JAKMIP1: variants seen among roughly 807,000 people sequenced by gnomAD.
The protein encoded by JAKMIP1 is janus kinase and microtubule interacting protein 1, also known as janus kinase and microtubule-interacting protein 1.
Under a neutral mutation model 113.0 loss-of-function variants are expected in JAKMIP1, and 33 were observed. The observed-to-expected ratio is 0.29, with a 90% CI of 0.22 to 0.39. The LOEUF (loss-of-function observed/expected upper bound fraction) is 0.39. Ranked by LOEUF, JAKMIP1 falls within the 10% of genes least tolerant of loss-of-function variation. The probability of loss-of-function intolerance (pLI) is 1.00; values close to 1 mark genes in which losing one functional copy is unlikely to be tolerated. For missense variants in JAKMIP1, 813 were observed against 1,080.5 expected (o/e 0.75, Z 3.47); for synonymous variants, 480 against 459.9 (o/e 1.04, Z -0.56).
rs764963591 is a variant in JAKMIP1 at position 6,060,522 on chromosome 4, A to T, written c.1561-15T>A. 1.2e-6 allele frequency: 2 copies of T among 1,608,584 alleles called. No homozygotes were observed. The highest frequency in any genetic ancestry group is 8.5e-7 in the Non-Finnish European group (1 of 1,175,064). The stretch of plus-strand genomic sequence containing the variant: ...TGCTCCCGAGTCTGGAAGGGAAAAG[A>T]CCAGGCAGTGAGCAGGTCACCTCCA... On this transcript the variant is annotated splice_polypyrimidine_tract_variant and intron_variant, in intron 10 of 20. Transcript: ENST00000409021.
rs1281208874 is a variant in JAKMIP1, at chr4:6,108,253, A to G, written c.130-2286T>C. 6.6e-6 allele frequency among the ~76,000 whole-genome samples: 1 copy of G among 151,764 alleles called. No individual in the cohort carries two copies. Among genetic ancestry groups the G allele is most frequent in the Non-Finnish European group, 1.5e-5 (1 of 67,882 alleles). ...GAAGCAGCAGAGTGAGGCTGGGGTG[A>G]CCTCTGATGGGCACAGAGCACTCCC... On this transcript the variant is annotated intron_variant, in intron 2 of 20. Transcript: ENST00000409021. This position sits in a 1 kb window ranked among gnomAD's most constrained non-coding sequence, Gnocchi z 5.6.
chr4:6,182,221 G>T (rs1164683594), intron 1 of JAKMIP1, among the ~76,000 whole-genome samples: 1 of 151,722 alleles, frequency 6.6e-6, no homozygotes, highest in East Asian at 1.9e-4. Context: ...ACCAGCTTGG[G>T]CAACATAATG....
chr4:6,172,665 C>T (rs1161737150), intron 1 of JAKMIP1, among the ~76,000 whole-genome samples: 1 of 152,210 alleles, frequency 6.6e-6, no homozygotes, highest in Non-Finnish European at 1.5e-5. Flanking sequence ...GACCTTCTGT[C>T]CCCAGGTGCT....
intron 1 of JAKMIP1, among the ~76,000 whole-genome samples, chr4:6,165,919 C>T (rs1723572506): frequency 6.6e-6 from 1 of 152,142 alleles, no homozygotes; most frequent in Admixed American, 6.5e-5. Flanking sequence ...CCTCACTCCA[C>T]CCCAAGGCTC....
rs1482598565 is a variant in JAKMIP1, at chr4:6,187,213, G to T, written c.-148+13040C>A. 6.6e-6 allele frequency among the ~76,000 whole-genome samples: 1 copy of T among 152,138 alleles called. No individual in the cohort carries two copies. Among genetic ancestry groups the T allele is most frequent in the Non-Finnish European group, 1.5e-5 (1 of 68,022 alleles). On this transcript the variant is annotated intron_variant, in intron 1 of 20. Coordinates refer to ENST00000409021, the MANE Select transcript of JAKMIP1 (RefSeq NM_001099433.2). The surrounding 1 kb of genome is among the most constrained non-coding windows in gnomAD (Gnocchi z 4.2). ...TTTATAATTGTTATATATTTCTGAT[G>T]TATTGAACTTCTTGTCATTATAAAA...
chr4:6,150,694 G>A lies in JAKMIP1; in HGVS notation c.-147-37697C>T, dbSNP rs1268706764. On this transcript the variant is annotated intron_variant, in intron 1 of 20. Coordinates refer to ENST00000409021, the MANE Select transcript of JAKMIP1 (RefSeq NM_001099433.2). The surrounding 1 kb of genome is among the most constrained non-coding windows in gnomAD (Gnocchi z 4.8). ...GACTCCATCTGGGCCCCAGAAAACT[G>A]CCCTGATGCTACAGGTAGGAAGAAA... Among the ~76,000 whole-genome samples, 2 of 152,154 alleles carry A rather than the reference G, an allele frequency of 1.3e-5. No homozygotes were observed. The highest frequency in any genetic ancestry group is 4.8e-5 in the African/African-American group (2 of 41,428).
intron 2 of JAKMIP1, among the ~76,000 whole-genome samples, chr4:6,111,663 G>A (rs1007295125): frequency 1.3e-5 from 2 of 152,170 alleles, no homozygotes; most frequent in East Asian, 1.9e-4. Flanking sequence ...GTTTGAAACC[G>A]GGTCTGCCTA....
rs1177183662 is a variant in JAKMIP1 at position 6,076,217 on chromosome 4, C to T, written c.1302+2722G>A. ...ATAAATAAAAAATAAAATAAACAAA[C>T]AAACAAATAAATATAGACAAGTTCT... On this transcript the variant is annotated intron_variant, in intron 8 of 20. Coordinates refer to ENST00000409021, the MANE Select transcript of JAKMIP1 (RefSeq NM_001099433.2). This position sits in a 1 kb window ranked among gnomAD's most constrained non-coding sequence, Gnocchi z 4.8. Among the ~76,000 whole-genome samples, 1 of 151,988 alleles carries T rather than the reference C, an allele frequency of 6.6e-6. No homozygotes were observed. The highest frequency in any genetic ancestry group is 1.9e-4 in the East Asian group (1 of 5,188).
intron 1 of JAKMIP1, among the ~76,000 whole-genome samples, chr4:6,133,668 C>G (rs1718835096): frequency 1.3e-5 from 2 of 152,308 alleles, no homozygotes; most frequent in South Asian, 4.1e-4. Context: ...GCCCTGGGAC[C>G]ATGCTTCCCA....
At chr4:6,100,336 G>C (rs1409656315) in intron 3 of JAKMIP1, among the ~76,000 whole-genome samples, 1 of 152,162 alleles carries the variant, frequency 6.6e-6, no homozygotes, top group Non-Finnish European at 1.5e-5. Context: ...TACAATATGA[G>C]GTCTTTTGTG....
chr4:6,097,199 A>T lies in JAKMIP1; in HGVS notation c.624+8274T>A, dbSNP rs969300689. On this transcript the variant is annotated intron_variant, in intron 3 of 20. Transcript: ENST00000409021. This position sits in a 1 kb window ranked among gnomAD's most constrained non-coding sequence, Gnocchi z 4.3. ...AAATTTTTTGTAGAGGCAAGACCTC[A>T]CTGCCCAGGATGGTCTCAAACTCTC... is the stretch of plus-strand genomic sequence containing the variant. Among the ~76,000 whole-genome samples, 2 of 152,156 alleles carry T rather than the reference A, an allele frequency of 1.3e-5. No individual in the cohort carries two copies. Among genetic ancestry groups the T allele is most frequent in the East Asian group, 3.8e-4 (2 of 5,198 alleles).
At chr4:6,171,590 T>TC (rs76593324) in intron 1 of JAKMIP1, among the ~76,000 whole-genome samples, 2,060 of 151,706 alleles carry the variant, frequency 0.014, 49 homozygotes, top group African/African-American at 0.045. Context: ...ACCGTCTCGA[T>TC]CCCCCCCCAA....
chr4:6,058,544 C>A (rs1716800425), intron 11 of JAKMIP1, among the ~76,000 whole-genome samples: 1 of 152,224 alleles, frequency 6.6e-6, no homozygotes, highest in African/African-American at 2.4e-5. Context: ...TCTCTATTAC[C>A]TTTACCTATC....
At chr4:6,134,902 G>A (rs1578341950) in intron 1 of JAKMIP1, among the ~76,000 whole-genome samples, 1 of 152,066 alleles carries the variant, frequency 6.6e-6, no homozygotes, top group South Asian at 2.1e-4. Flanking sequence ...CCCAAAACAC[G>A]CAGTGTAGAT....
rs112950935 is a variant in JAKMIP1, at chr4:6,078,478, T to C, written c.1302+461A>G. On this transcript the variant is annotated intron_variant, in intron 8 of 20. Transcript: ENST00000409021. Reference sequence around the variant, plus strand: ...TTGGTCCCTGTGGGCATTTGAATTTTATAAGCCCAGCTCCTTCAGACACTG... The same window carrying C: ...TTGGTCCCTGTGGGCATTTGAATTTCATAAGCCCAGCTCCTTCAGACACTG... Among the ~76,000 whole-genome samples the C allele has an allele frequency of 2.2e-3, 330 of 151,944 alleles. 3 individuals are homozygous for C. Among genetic ancestry groups the C allele is most frequent in the Non-Finnish European group, 3.9e-3 (263 of 67,940 alleles).
chr4:6,074,707 G>C (rs140647791), intron 8 of JAKMIP1, among the ~76,000 whole-genome samples: 71 of 152,274 alleles, frequency 4.7e-4, no homozygotes, highest in Middle Eastern at 3.4e-3. Context: ...CAGTGCAGAT[G>C]CCCTGTAAAC....
In JAKMIP1 at chr4:6,042,887, G is replaced by T. The variant is rs1714513658; in HGVS notation, c.2029-660C>A. Among the ~76,000 whole-genome samples the T allele has an allele frequency of 1.3e-5, 2 of 152,180 alleles. No homozygotes were observed. Among genetic ancestry groups the T allele is most frequent in the East Asian group, 3.9e-4 (2 of 5,140 alleles). ...GGACATGAGGGCGCAGGCACGGAGA[G>T]TACGGGGTGAACAGGCGGGGCGTGC... On this transcript the variant is annotated intron_variant, in intron 16 of 20. Coordinates refer to ENST00000409021, the MANE Select transcript of JAKMIP1 (RefSeq NM_001099433.2). The surrounding 1 kb of genome is among the most constrained non-coding windows in gnomAD (Gnocchi z 5.2).
intron 1 of JAKMIP1, among the ~76,000 whole-genome samples, chr4:6,149,822 T>C (rs1475028691): frequency 1.3e-5 from 2 of 152,040 alleles, no homozygotes; most frequent in Admixed American, 1.3e-4. Context: ...CTCGAAAGCA[T>C]CTCAGCAACT....
At chr4:6,164,331 C>G (rs1723325543) in intron 1 of JAKMIP1, among the ~76,000 whole-genome samples, 1 of 152,122 alleles carries the variant, frequency 6.6e-6, no homozygotes, top group Admixed American at 6.5e-5. Context: ...GCACATCTGT[C>G]TGTAGCATGG....
Sources: allele counts gnomAD v4.1 joint callset (sites outside exome capture counted in the v4.1 genomes callset), GRCh38; gene constraint gnomAD v4.1.1; non-coding constraint Gnocchi (gnomAD v3.1); transcripts MANE v1.5; gene names NCBI Gene and HGNC (gene_info 2026-07-23, HGNC 2026-07-21).